The following GPR158 variants were observed in gnomAD, a reference collection of about 807,000 sequenced individuals.
The protein encoded by GPR158 is G protein-coupled receptor 158, also known as metabotropic glycine receptor.
Under a neutral mutation model 78.2 loss-of-function variants are expected in GPR158, and 30 were observed. The observed-to-expected ratio is 0.38, with a 90% confidence interval of 0.29 to 0.52. GPR158 has a LOEUF of 0.52. Ranked by LOEUF, GPR158 falls within the 20% of genes least tolerant of loss-of-function variation. GPR158 has a pLI of 0.83. For missense variants in GPR158, 1,463 were observed against 1,523.5 expected (o/e 0.96, Z 0.66); for synonymous variants, 581 against 591.1 (o/e 0.98, Z 0.25).
chr10:25,505,890 C>T (rs1239765209), intron 5 of GPR158, among the ~76,000 whole-genome samples: 3 of 152,212 alleles, frequency 2.0e-5, no homozygotes, highest in African/African-American at 7.2e-5. Context: ...AAGCTTTCCT[C>T]CCTGTGCATG....
chr10:25,329,058 C>T (rs78419850), intron 2 of GPR158, among the ~76,000 whole-genome samples: 24,341 of 151,748 alleles, frequency 0.16, 4,024 homozygotes, highest in African/African-American at 0.42. Context: ...GGAAATGTTC[C>T]AGTATCATTC....
At chr10:25,238,498 G>A (rs934706676) in intron 2 of GPR158, among the ~76,000 whole-genome samples, 2 of 152,174 alleles carry the variant, frequency 1.3e-5, no homozygotes, top group African/African-American at 2.4e-5. Flanking sequence ...AAATGGTCAA[G>A]GTGTGTTTTT....
intron 7 of GPR158, among the ~76,000 whole-genome samples, chr10:25,574,294 G>A (rs913115201): frequency 6.6e-6 from 1 of 151,854 alleles, no homozygotes; most frequent in Non-Finnish European, 1.5e-5. Flanking sequence ...ATTCCAAAGA[G>A]GATCATATTT....
chr10:25,213,980 G>C (rs1156433124), intron 1 of GPR158, among the ~76,000 whole-genome samples: 1 of 151,694 alleles, frequency 6.6e-6, no homozygotes, highest in Non-Finnish European at 1.5e-5. Context: ...TTTAATTCTT[G>C]AGTCTCCCTT....
In GPR158 at chr10:25,181,909, G is replaced by A. The variant is rs573770135; in HGVS notation, c.902+5587G>A. Among the ~76,000 whole-genome samples the A allele has an allele frequency of 2.7e-3, 403 of 152,042 alleles. 2 individuals carry two copies. The highest frequency in any genetic ancestry group is 9.2e-3 in the African/African-American group (383 of 41,478). On this transcript the variant is annotated intron_variant, in intron 1 of 10. Coordinates refer to ENST00000376351, the MANE Select transcript of GPR158 (RefSeq NM_020752.3). ...TTTTTTTCAGTTTTAGTAGAGATGG[G>A]GTTTTGCCATGTTGCCCAGGCTGGT...
At chr10:25,455,488 T>A (rs1835278654) in intron 4 of GPR158, among the ~76,000 whole-genome samples, 1 of 152,178 alleles carries the variant, frequency 6.6e-6, no homozygotes, top group Admixed American at 6.5e-5. Flanking sequence ...ATTTCTCTTC[T>A]GTCTTTCGTG....
chr10:25,307,855 A>C (rs185488027), intron 2 of GPR158, among the ~76,000 whole-genome samples: 1 of 152,254 alleles, frequency 6.6e-6, no homozygotes, highest in East Asian at 1.9e-4. Context: ...ATTGTTCTAA[A>C]TAACCTTGTG....
chr10:25,269,666 A>G (rs1266553920), intron 2 of GPR158, among the ~76,000 whole-genome samples: 1 of 152,202 alleles, frequency 6.6e-6, no homozygotes, highest in Non-Finnish European at 1.5e-5. Context: ...CGTAAACTTT[A>G]TATGAGTTAA....
chr10:25,496,919 A>G (rs1317318830), intron 5 of GPR158, among the ~76,000 whole-genome samples: 1 of 152,218 alleles, frequency 6.6e-6, no homozygotes, highest in Non-Finnish European at 1.5e-5. Flanking sequence ...TAGTACAGAC[A>G]GTAGCAGTGG....
At chr10:25,279,928 T>G (rs908892479) in intron 2 of GPR158, among the ~76,000 whole-genome samples, 1 of 151,536 alleles carries the variant, frequency 6.6e-6, no homozygotes, top group African/African-American at 2.4e-5. Context: ...AATTTTAGAC[T>G]TTTGTGCCTG....
intron 1 of GPR158, among the ~76,000 whole-genome samples, chr10:25,208,558 TTGTGTGTGTGTGTGTGTGTGTG>T (rs71399956): frequency 3.0e-5 from 4 of 135,248 alleles, no homozygotes; most frequent in Middle Eastern, 3.6e-3. Flanking sequence ...CTATGTGAAT[TTGTGTGTGTGTGTGTGTGTGTG>T]TGTGTGTGTG....
intron 2 of GPR158, among the ~76,000 whole-genome samples, chr10:25,281,409 C>CA (rs749627659): frequency 0.049 from 3,372 of 68,480 alleles, 77 homozygotes; most frequent in Admixed American, 0.12. Flanking sequence ...ACCAAAAATA[C>CA]AAAAAAAAAA....
At position 25,266,236 on chromosome 10, in the gene GPR158, C is replaced by T. The variant is rs1588766108; in HGVS notation, c.1008+45079C>T. 2.0e-5 allele frequency among the ~76,000 whole-genome samples: 3 copies of T among 152,282 alleles called. No individual in the cohort carries two copies. In the South Asian group the frequency reaches 6.2e-4, roughly 32 times the overall value. Reference sequence around the variant, plus strand: ...TTTCTTTCAGAGAAGTTATCTCTGTCTGAAATTTACATGTTTAAGTGCAAT... The same window carrying T: ...TTTCTTTCAGAGAAGTTATCTCTGTTTGAAATTTACATGTTTAAGTGCAAT... On this transcript the variant is annotated intron_variant, in intron 2 of 10. Coordinates refer to ENST00000376351, the MANE Select transcript of GPR158 (RefSeq NM_020752.3).
In GPR158 at chr10:25,409,324, A is replaced by G. The variant is rs184433161; in HGVS notation, c.1112-2926A>G. On this transcript the variant is annotated intron_variant, in intron 3 of 10. Transcript: ENST00000376351. ...TACAAAATCACAAACTATCTTGACT[A>G]TGTTTCTTAGTAATGCATACTGTCG... Among the ~76,000 whole-genome samples the G allele has an allele frequency of 1.3e-4, 20 of 152,248 alleles. No individual in the cohort carries two copies. In the East Asian group the frequency reaches 2.7e-3, roughly 21 times the overall value.
chr10:25,205,197 A>AAT (rs1853005786), intron 1 of GPR158, among the ~76,000 whole-genome samples: 2 of 151,286 alleles, frequency 1.3e-5, no homozygotes, highest in African/African-American at 2.4e-5. Flanking sequence ...AGTTTCAGGT[A>AAT]TGTCTTTATC....
intron 2 of GPR158, among the ~76,000 whole-genome samples, chr10:25,355,987 T>G (rs1057466251): frequency 2.0e-5 from 3 of 152,070 alleles, no homozygotes; most frequent in African/African-American, 7.2e-5. Flanking sequence ...TCCAGCTGTC[T>G]TCAGTGATGT....
intron 2 of GPR158, among the ~76,000 whole-genome samples, chr10:25,317,171 AGT>A (rs1343435923): frequency 3.3e-5 from 5 of 151,562 alleles, no homozygotes; most frequent in Non-Finnish European, 5.9e-5. Context: ...CAGTCTCCTG[AGT>A]AATTGGGATT....
rs76509002 is a variant in GPR158, at chr10:25,216,259, G to A, written c.903-4793G>A. On this transcript the variant is annotated intron_variant, in intron 1 of 10. Coordinates refer to ENST00000376351, the MANE Select transcript of GPR158 (RefSeq NM_020752.3). ...CACCTGTTTTCATCAATCAATTTCAGCACAGCTTCTACCTTGATATCCCAT... is the reference window on the plus strand; with the variant it reads ...CACCTGTTTTCATCAATCAATTTCAACACAGCTTCTACCTTGATATCCCAT... Among the ~76,000 whole-genome samples, 707 of 152,298 alleles carry A rather than the reference G, an allele frequency of 4.6e-3. 18 individuals are homozygous for A. The highest frequency in any genetic ancestry group is 0.038 in the Admixed American group (588 of 15,300).
At chr10:25,368,525 C>A (rs1246025) in intron 2 of GPR158, among the ~76,000 whole-genome samples, 1 of 151,628 alleles carries the variant, frequency 6.6e-6, no homozygotes, top group South Asian at 2.1e-4. Flanking sequence ...CAAATCAAAA[C>A]CACAGTGAGA....
Sources: gnomAD v4.1 joint callset for allele counts (sites outside exome capture counted in the v4.1 genomes callset) on GRCh38, gnomAD v4.1.1 for gene constraint, MANE v1.5 for transcripts, NCBI Gene and HGNC (gene_info 2026-07-23, HGNC 2026-07-21) for gene names.